Variants in ANKFY1 observed in about 807,000 individuals in gnomAD.
The protein encoded by ANKFY1 is ankyrin repeat and FYVE domain-containing protein 1.
ANKFY1 carries 47 observed loss-of-function variants against 128.3 expected under a neutral mutation model. That is an observed-to-expected ratio of 0.37 (90% CI 0.29 to 0.47). ANKFY1 has a LOEUF of 0.47. ANKFY1 is among the 20% of genes least tolerant of loss of function. The pLI is 1.00. For synonymous variants in ANKFY1, 553 were observed against 601.6 expected, an observed-to-expected ratio of 0.92 and a Z score of 1.18; for missense variants, 1,222 against 1,510.6, an observed-to-expected ratio of 0.81 and a Z score of 3.17.
At position 4,172,696 on chromosome 17, in the gene ANKFY1, G is replaced by A; in HGVS notation, c.3015-16C>T. The A allele has an allele frequency of 1.2e-6, 2 of 1,612,864 alleles. No individual in the cohort carries two copies. The highest frequency in any genetic ancestry group is 1.7e-5 in the Admixed American group (1 of 59,942). On this transcript the variant is annotated splice_polypyrimidine_tract_variant and intron_variant, in intron 21 of 24. Coordinates refer to ENST00000341657, the MANE Select transcript of ANKFY1 (RefSeq NM_001330063.2). Reference sequence around the variant, plus strand: ...TGACTGGCCTCTGATAAAACAAGTTGGAAAAGTTAGGAATGTATCTGCCAT... The same window carrying A: ...TGACTGGCCTCTGATAAAACAAGTTAGAAAAGTTAGGAATGTATCTGCCAT...
intron 10 of ANKFY1, among the ~76,000 whole-genome samples, chr17:4,194,103 ATT>A (rs796921017): frequency 5.5e-5 from 6 of 108,162 alleles, no homozygotes; most frequent in African/African-American, 1.5e-4. Context: ...ATATATATAT[ATT>A]TTTTTTTTTT....
At chr17:4,184,401 G>T (rs1197977527) in intron 12 of ANKFY1, among the ~76,000 whole-genome samples, 1 of 152,228 alleles carries the variant, frequency 6.6e-6, no homozygotes, top group East Asian at 1.9e-4. Context: ...GCGTGAGGGA[G>T]ACTTTCTGAG....
chr17:4,258,775 A>G (rs537113013), intron 1 of ANKFY1, among the ~76,000 whole-genome samples: 1 of 152,302 alleles, frequency 6.6e-6, no homozygotes, highest in Admixed American at 6.5e-5. Flanking sequence ...TTAAGTAGCC[A>G]CATGTGGCTA....
chr17:4,175,230 G>T (rs2059391728), intron 19 of ANKFY1, among the ~76,000 whole-genome samples: 1 of 151,682 alleles, frequency 6.6e-6, no homozygotes, highest in South Asian at 2.1e-4. Context: ...CTACTCGGGA[G>T]GATGAGATGG....
chr17:4,182,044 G>T, intron 15 of ANKFY1, 137 bp downstream of exon 15: 3 of 905,800 alleles, frequency 3.3e-6, no homozygotes, highest in Non-Finnish European at 4.5e-6. Flanking sequence ...TCTTTAACAT[G>T]CTTTCAACTG....
intron 18 of ANKFY1, 131 bp from the exon 19 acceptor site, chr17:4,177,433 C>T: frequency 1.3e-6 from 1 of 769,672 alleles, no homozygotes; most frequent in African/African-American, 1.8e-5. Context: ...AAACCCCCTC[C>T]CAAGAATGAA....
intron 1 of ANKFY1, 145 bp downstream of exon 1, chr17:4,263,787 G>A: frequency 6.3e-7 from 1 of 1,590,124 alleles, no homozygotes; most frequent in South Asian, 1.1e-5. Context: ...GAGAAGCTCC[G>A]GAGAGGCTAG....
Position 4,209,901 on chromosome 17 carries a change from G to C in ANKFY1, c.505C>G (p.Arg169Gly), listed in dbSNP as rs868175371. The change falls in exon 5 of 25, where the codon CGC becomes GGC. Residue 169 changes from arginine to glycine, a missense_variant. Coordinates refer to ENST00000341657, the MANE Select transcript of ANKFY1 (RefSeq NM_001330063.2). The stretch of plus-strand genomic sequence containing the variant: ...AGCTCCTCTGCCGTCTGGTAGAAGC[G>C]AATACAGTTCCTGACATTCACTAGA... ...MSLVNVRNCIRFYQTAEELNA... is the reference protein window; with the variant it reads ...MSLVNVRNCIGFYQTAEELNA... The C allele has an allele frequency of 6.2e-7, 1 of 1,613,942 alleles. No homozygotes were observed. Among genetic ancestry groups the C allele is most frequent in the Non-Finnish European group, 8.5e-7 (1 of 1,179,874 alleles).
At chr17:4,191,493 T>G (rs1156406346) in intron 10 of ANKFY1, among the ~76,000 whole-genome samples, 2 of 150,604 alleles carry the variant, frequency 1.3e-5, no homozygotes, top group African/African-American at 4.9e-5. Context: ...ATCTGGAGAC[T>G]CTTAGTTGAT....
chr17:4,243,677 T>G (rs977246252), intron 1 of ANKFY1, among the ~76,000 whole-genome samples: 1 of 152,198 alleles, frequency 6.6e-6, no homozygotes, highest in African/African-American at 2.4e-5. Flanking sequence ...TCATATGAAC[T>G]ATGCTCTCCA....
At chr17:4,242,662 G>C (rs1202053267) in intron 1 of ANKFY1, among the ~76,000 whole-genome samples, 1 of 152,216 alleles carries the variant, frequency 6.6e-6, no homozygotes, top group African/African-American at 2.4e-5. Context: ...GGAGGCCAAA[G>C]CAGGGGGAAT....
At chr17:4,185,621 T>C (rs754834991) in intron 11 of ANKFY1, among the ~76,000 whole-genome samples, 1 of 152,202 alleles carries the variant, frequency 6.6e-6, no homozygotes, top group Non-Finnish European at 1.5e-5. Context: ...CGTGAGGCAC[T>C]GCGCCTGGTT....
chr17:4,195,805 C>A (rs1200493049), intron 8 of ANKFY1, among the ~76,000 whole-genome samples: 1 of 152,110 alleles, frequency 6.6e-6, no homozygotes, highest in East Asian at 1.9e-4. Flanking sequence ...CTCATCTCTT[C>A]TCCATCAATT....
At chr17:4,202,870 A>AC (rs145849963) in intron 7 of ANKFY1, among the ~76,000 whole-genome samples, 10,854 of 151,360 alleles carry the variant, frequency 0.072, 558 homozygotes, top group Non-Finnish European at 0.11. Flanking sequence ...GATAAAAAAA[A>AC]ATTTTATATC....
In ANKFY1 at chr17:4,178,783, G is replaced by A. The variant is rs562968465; in HGVS notation, c.2598+74C>T. 35 of 1,416,526 alleles carry A rather than the reference G, an allele frequency of 2.5e-5. No homozygotes were observed. Among genetic ancestry groups the A allele is most frequent in the Middle Eastern group, 2.4e-4 (1 of 4,226 alleles). 87.7% of individuals were successfully genotyped at this position (1,416,526 alleles called of 1,614,324 possible). A position where few individuals can be genotyped will look rare whatever the true frequency, so the allele number is the denominator to read the frequency against. On this transcript the variant is annotated intron_variant, in intron 18 of 24. Coordinates refer to ENST00000341657, the MANE Select transcript of ANKFY1 (RefSeq NM_001330063.2). This position sits in a 1 kb window ranked among gnomAD's most constrained non-coding sequence, Gnocchi z 4.1. ...TTTCCATGAGGAGACCTGTTTAGTC[G>A]GTGACATCTGTCTAGTCTCCAGGTT...
intron 7 of ANKFY1, among the ~76,000 whole-genome samples, chr17:4,204,911 C>G (rs1002149242): frequency 1.3e-5 from 2 of 152,094 alleles, no homozygotes; most frequent in Non-Finnish European, 2.9e-5. Flanking sequence ...GATTTCCTAC[C>G]CAGTGATGAG....
intron 22 of ANKFY1, among the ~76,000 whole-genome samples, chr17:4,171,421 GTCGC>G (rs2059317756): frequency 6.6e-6 from 1 of 152,190 alleles, no homozygotes; most frequent in Admixed American, 6.5e-5. Context: ...ACAGCTAACT[GTCGC>G]TCCCTCTGCT....
chr17:4,193,754 T>A (rs963669604), intron 10 of ANKFY1, among the ~76,000 whole-genome samples: 1 of 150,834 alleles, frequency 6.6e-6, no homozygotes, highest in Non-Finnish European at 1.5e-5. Flanking sequence ...TATTTTATTT[T>A]AATTAATTAA....
chr17:4,239,459 T>C (rs1470310146), intron 2 of ANKFY1, among the ~76,000 whole-genome samples: 1 of 152,254 alleles, frequency 6.6e-6, no homozygotes, highest in African/African-American at 2.4e-5. Flanking sequence ...TTTTATGTAA[T>C]AGATTATTCT....
Sources: allele counts gnomAD v4.1 joint callset (sites outside exome capture counted in the v4.1 genomes callset), GRCh38; gene constraint gnomAD v4.1.1; non-coding constraint Gnocchi (gnomAD v3.1); transcripts MANE v1.5; gene names NCBI Gene and HGNC (gene_info 2026-07-23, HGNC 2026-07-21).